Variants in OTUD7B observed in about 807,000 individuals in gnomAD.
The protein encoded by OTUD7B is OTU deubiquitinase 7B.
OTUD7B carries 34 observed loss-of-function variants against 82.2 expected under a neutral mutation model. The observed-to-expected ratio is 0.41, with a 90% CI of 0.31 to 0.55. The LOEUF is 0.55. Among genes scored for constraint, OTUD7B ranks in the 20% least tolerant of loss-of-function variants. The pLI is 0.20. For missense variants in OTUD7B, 944 were observed against 1,062.1 expected, an observed-to-expected ratio of 0.89 and a Z score of 1.55; for synonymous variants, 398 against 402.7, an observed-to-expected ratio of 0.99 and a Z score of 0.14.
chr1:150,022,571 C>A, the OTUD7B span, among the ~76,000 whole-genome samples: 1 of 152,066 alleles, frequency 6.6e-6, no homozygotes, highest in African/African-American at 2.4e-5. Flanking sequence ...TGTTTCCCAG[C>A]CTAGCGGTAG....
the OTUD7B span, among the ~76,000 whole-genome samples, chr1:150,028,831 T>G: frequency 6.6e-6 from 1 of 152,134 alleles, no homozygotes; most frequent in African/African-American, 2.4e-5. Flanking sequence ...CCACCACGCC[T>G]GGTTGCTCTA....
chr1:150,033,488 T>C, the OTUD7B span, among the ~76,000 whole-genome samples: 8 of 152,090 alleles, frequency 5.3e-5, no homozygotes, highest in Non-Finnish European at 1.2e-4. Context: ...CACTTCAATA[T>C]TATCCAGTGT....
the OTUD7B span, among the ~76,000 whole-genome samples, chr1:150,052,270 C>T: frequency 6.6e-6 from 1 of 152,136 alleles, no homozygotes; most frequent in Non-Finnish European, 1.5e-5. Flanking sequence ...ATTTAGAAAA[C>T]CCCATAGTCT....
At chr1:150,041,250 A>G in the OTUD7B span, among the ~76,000 whole-genome samples, 1 of 152,182 alleles carries the variant, frequency 6.6e-6, no homozygotes, top group Non-Finnish European at 1.5e-5. Flanking sequence ...ATAAGGTAAT[A>G]TGCAATACAT....
the OTUD7B span, among the ~76,000 whole-genome samples, chr1:150,035,445 C>T: frequency 3.9e-5 from 6 of 152,136 alleles, no homozygotes; most frequent in Admixed American, 6.5e-5. Context: ...GATGCCCTCA[C>T]TGACAAAATA....
In OTUD7B at chr1:149,982,975, TAGCTGGGA is replaced by T. The variant is rs1188404710; in HGVS notation, c.-66-5407_-66-5400del. Among the ~76,000 whole-genome samples, 11 of 151,390 alleles carry T rather than the reference TAGCTGGGA, an allele frequency of 7.3e-5. No individual in the cohort carries two copies. In the South Asian group the frequency reaches 1.0e-3, roughly 14 times the overall value. On this transcript the variant is annotated intron_variant, in intron 1 of 11. Transcript: ENST00000581312. Reference sequence around the variant, plus strand: ...CATTCTCCTGCCTCAGCCTCCCGAGTAGCTGGGAAGCTGGGACTACAGGCGCCTGCCAC... The same window carrying T: ...CATTCTCCTGCCTCAGCCTCCCGAGTAGCTGGGACTACAGGCGCCTGCCAC...
chr1:149,944,376 A>G lies in OTUD7B; in HGVS notation c.2013T>C (p.Ala671=), dbSNP rs200042799. ...PPPAKKPEPD[A]REEQPTGPPA... Reference sequence around the variant, plus strand: ...GGGGACCGGTCGGCTGCTCTTCCCTAGCATCTGGCTCTGGCTTTTTGGCTG... The same window carrying G: ...GGGGACCGGTCGGCTGCTCTTCCCTGGCATCTGGCTCTGGCTTTTTGGCTG... The change falls in exon 12 of 12, where the codon GCT becomes GCC. Residue 671 remains alanine (A), a synonymous_variant. Transcript: ENST00000581312. 71 of 1,613,792 alleles carry G rather than the reference A, an allele frequency of 4.4e-5. No individual in the cohort carries two copies. The African/African-American group carries it at 6.9e-4, about 16-fold the overall frequency.
At chr1:150,055,188 C>G in the OTUD7B span, among the ~76,000 whole-genome samples, 1 of 151,936 alleles carries the variant, frequency 6.6e-6, no homozygotes, top group East Asian at 1.9e-4. Context: ...CAGGCGCCCA[C>G]CACCACGCCC....
At chr1:150,060,609 G>A in the OTUD7B span, among the ~76,000 whole-genome samples, 1 of 152,140 alleles carries the variant, frequency 6.6e-6, no homozygotes, top group South Asian at 2.1e-4. Context: ...TATGCAATAG[G>A]TATTTACTGA....
rs1307202775 is a variant in OTUD7B at position 149,940,049 on chromosome 1, G to A, written c.*3808C>T. On this transcript the variant is annotated 3_prime_UTR_variant, in exon 12 of 12. Coordinates refer to ENST00000581312, the MANE Select transcript of OTUD7B (RefSeq NM_020205.4). ...ACTCTTTATTGAGAAAAAAAAATGT[G>A]ACTGGAACCTTGGACACATGGCTAA... The A allele has an allele frequency of 1.3e-5, 2 of 152,094 alleles. No individual in the cohort carries two copies. The highest frequency in any genetic ancestry group is 2.4e-5 in the African/African-American group (1 of 41,408). 9.4% of individuals were successfully genotyped at this position (152,094 alleles called of 1,614,324 possible).
At chr1:150,037,321 A>T in the OTUD7B span, among the ~76,000 whole-genome samples, 10 of 151,590 alleles carry the variant, frequency 6.6e-5, no homozygotes, top group Non-Finnish European at 1.5e-4. Context: ...ATAGATAGTG[A>T]ATCAAATACA....
chr1:149,993,791 A>C (rs1157622426), intron 1 of OTUD7B, among the ~76,000 whole-genome samples: 1 of 152,156 alleles, frequency 6.6e-6, no homozygotes, highest in African/African-American at 2.4e-5. Context: ...GTATTATAGG[A>C]ATGTGGTTGA....
chr1:150,044,968 T>C, the OTUD7B span, among the ~76,000 whole-genome samples: 1 of 152,080 alleles, frequency 6.6e-6, no homozygotes, highest in African/African-American at 2.4e-5. Flanking sequence ...ATACTTGTTA[T>C]AGCCAACGTC....
Position 149,940,267 on chromosome 1 carries a change from G to A in OTUD7B, c.*3590C>T, listed in dbSNP as rs1219994022. The A allele has an allele frequency of 3.3e-5, 5 of 151,104 alleles. No individual in the cohort carries two copies. The highest frequency in any genetic ancestry group is 9.7e-5 in the African/African-American group (4 of 41,146). The allele number at this position is 151,104 out of a possible 1,614,324, so 9.4% of individuals were successfully genotyped here. ...AGAGGGAAGGTACTTCCCTTCCACT[G>A]CCCTCTACAGCACTGAGTTTAACAC... On this transcript the variant is annotated 3_prime_UTR_variant, in exon 12 of 12. Coordinates refer to ENST00000581312, the MANE Select transcript of OTUD7B (RefSeq NM_020205.4).
intron 1 of OTUD7B, among the ~76,000 whole-genome samples, chr1:149,980,998 G>A (rs1452026558): frequency 8.4e-6 from 1 of 119,076 alleles, no homozygotes; most frequent in African/African-American, 3.2e-5. Flanking sequence ...CTGGGCAACA[G>A]AGTGAGACCC....
At chr1:150,064,920 G>A in the OTUD7B span, among the ~76,000 whole-genome samples, 1 of 152,162 alleles carries the variant, frequency 6.6e-6, no homozygotes, top group Non-Finnish European at 1.5e-5. Context: ...GAAGCCTTGA[G>A]CTCTGGTGGG....
upstream of OTUD7B, among the ~76,000 whole-genome samples, chr1:150,014,064 G>GTATA (rs1653195324): frequency 9.9e-5 from 3 of 30,248 alleles, no homozygotes; most frequent in South Asian, 4.0e-3. Context: ...ATATATGTGT[G>GTATA]TGTGTGTGTG....
chr1:150,039,528 C>G, the OTUD7B span, among the ~76,000 whole-genome samples: 1 of 152,072 alleles, frequency 6.6e-6, no homozygotes, highest in African/African-American at 2.4e-5. Flanking sequence ...AGGTGCCCAC[C>G]ACCATGCCCA....
chr1:150,004,725 C>T (rs1003385505), intron 1 of OTUD7B, among the ~76,000 whole-genome samples: 3 of 152,082 alleles, frequency 2.0e-5, no homozygotes, highest in African/African-American at 7.2e-5. Flanking sequence ...AGGTTAGTCT[C>T]CTCACCGCCC....
Sources: gnomAD v4.1 joint callset for allele counts (sites outside exome capture counted in the v4.1 genomes callset) on GRCh38, gnomAD v4.1.1 for gene constraint, MANE v1.5 for transcripts, NCBI Gene and HGNC (gene_info 2026-07-23, HGNC 2026-07-21) for gene names.